Variants in PDE7B observed in about 807,000 individuals in gnomAD.
PDE7B encodes 3',5'-cyclic-AMP phosphodiesterase 7B.
Under a neutral mutation model 56.2 loss-of-function variants are expected in PDE7B, and 29 were observed. The ratio of observed to expected loss-of-function variants is 0.52; its 90% CI spans 0.38 to 0.70. The LOEUF is 0.70. Among genes scored for constraint, PDE7B ranks in the 30% least tolerant of loss-of-function variants. PDE7B has a pLI of 0.00. For missense variants in PDE7B, 490 were observed against 565.0 expected (o/e 0.87, Z 1.35); for synonymous variants, 197 against 196.9 (o/e 1.00, Z 0.00).
chr6:135,868,950 G>A (rs1428321167), intron 1 of PDE7B, among the ~76,000 whole-genome samples: 1 of 152,136 alleles, frequency 6.6e-6, no homozygotes, highest in Non-Finnish European at 1.5e-5. Context: ...TCCTACTGCT[G>A]AAGGCTGTGT....
chr6:136,004,678 A>G (rs903959062), intron 2 of PDE7B, among the ~76,000 whole-genome samples: 4 of 152,142 alleles, frequency 2.6e-5, no homozygotes, highest in Non-Finnish European at 5.9e-5. Context: ...GGAGAACTAC[A>G]AACCACTGCT....
chr6:135,994,123 T>C (rs1469625362), intron 2 of PDE7B, among the ~76,000 whole-genome samples: 3 of 46,944 alleles, frequency 6.4e-5, no homozygotes, highest in Non-Finnish European at 8.7e-5. Context: ...GATCTGTGTG[T>C]GTGTGTGTGT....
rs527431087 is a variant in PDE7B, at chr6:135,979,407, G to A, written c.82+31883G>A. ...CTGGCCTCATAAAATGAGTTAGGGA[G>A]GATTCCCTCTTTTTCTATTGATTGG... is the stretch of plus-strand genomic sequence containing the variant. On this transcript the variant is annotated intron_variant, in intron 2 of 12. Transcript: ENST00000308191. 3.9e-4 allele frequency among the ~76,000 whole-genome samples: 59 copies of A among 151,428 alleles called. 1 individual carries two copies. Among genetic ancestry groups the A allele is most frequent in the East Asian group, 3.9e-3 (20 of 5,184 alleles).
At chr6:135,870,920 T>C (rs891172672) in intron 1 of PDE7B, among the ~76,000 whole-genome samples, 29 of 152,098 alleles carry the variant, frequency 1.9e-4, no homozygotes, top group African/African-American at 6.5e-4. Flanking sequence ...TTCAAATGCA[T>C]CCACATCTGG....
At chr6:136,157,823 T>A (rs992378294) in intron 8 of PDE7B, among the ~76,000 whole-genome samples, 2 of 152,198 alleles carry the variant, frequency 1.3e-5, no homozygotes, top group Non-Finnish European at 2.9e-5. Context: ...TGAGCTGATG[T>A]ACTTTTGGGA....
intron 2 of PDE7B, among the ~76,000 whole-genome samples, chr6:135,973,281 T>C (rs1775125983): frequency 6.6e-6 from 1 of 152,094 alleles, no homozygotes; most frequent in Non-Finnish European, 1.5e-5. Flanking sequence ...TCCTCCAGGT[T>C]CTTCCATGTT....
At chr6:136,175,942 TTA>T (rs1389815395) in intron 9 of PDE7B, among the ~76,000 whole-genome samples, 3 of 152,240 alleles carry the variant, frequency 2.0e-5, no homozygotes, top group African/African-American at 7.2e-5. Flanking sequence ...GAGTTTATTT[TTA>T]TCTTTTTAAA....
At chr6:135,899,113 G>T (rs1775953277) in intron 1 of PDE7B, among the ~76,000 whole-genome samples, 1 of 152,064 alleles carries the variant, frequency 6.6e-6, no homozygotes, top group Admixed American at 6.6e-5. Context: ...TGTAAGATGT[G>T]ACTTTGCTCC....
intron 1 of PDE7B, 46 bp from the exon 2 acceptor site, chr6:135,947,418 C>T: frequency 7.1e-7 from 1 of 1,413,374 alleles, no homozygotes; most frequent in African/African-American, 1.4e-5. Flanking sequence ...TCTTGGGAAT[C>T]TTGATATGAA....
intron 2 of PDE7B, among the ~76,000 whole-genome samples, chr6:136,103,390 T>C (rs1777596146): frequency 6.6e-6 from 1 of 152,208 alleles, no homozygotes; most frequent in Non-Finnish European, 1.5e-5. Context: ...ACCTTCCTCC[T>C]CTCTTTTAGG....
In PDE7B at chr6:136,191,456, C is replaced by T. The variant is rs565770079; in HGVS notation, c.1127-158C>T. On this transcript the variant is annotated intron_variant, in intron 12 of 12. Coordinates refer to ENST00000308191, the MANE Select transcript of PDE7B (RefSeq NM_018945.4). ...CCGAGGCGGGCGGATCACTTGAGGTCGGGAGTTCAAGGCCAACCTGGCCAA... is the reference window on the plus strand; with the variant it reads ...CCGAGGCGGGCGGATCACTTGAGGTTGGGAGTTCAAGGCCAACCTGGCCAA... 3.0e-4 allele frequency: 195 copies of T among 644,210 alleles called. 3 individuals carry two copies. The South Asian group carries it at 3.1e-3, about 10-fold the overall frequency. The allele number at this position is 644,210 out of a possible 1,614,324, so 39.9% of individuals were successfully genotyped here.
chr6:135,994,116 CTGTGTGTGTGTGTGTGTGTGTGTGTG>C (rs3220309), intron 2 of PDE7B, among the ~76,000 whole-genome samples: 9 of 138,726 alleles, frequency 6.5e-5, no homozygotes, highest in Middle Eastern at 3.6e-3. Flanking sequence ...TGTATTGGAT[CTGTGTGTGTGTGTGTGTGTGTGTGTG>C]TGTGTGTGTG....
chr6:136,054,953 T>C (rs557651728), intron 2 of PDE7B, among the ~76,000 whole-genome samples: 4 of 152,178 alleles, frequency 2.6e-5, no homozygotes, highest in Non-Finnish European at 5.9e-5. Context: ...CCTGCCCCCA[T>C]GATTCAATTA....
chr6:136,132,610 G>A (rs531948732), intron 3 of PDE7B, among the ~76,000 whole-genome samples: 2 of 152,176 alleles, frequency 1.3e-5, no homozygotes, highest in East Asian at 3.9e-4. Context: ...AAATTACCTA[G>A]TAGGTGCTCA....
At chr6:136,017,900 A>G (rs1776004600) in intron 2 of PDE7B, among the ~76,000 whole-genome samples, 1 of 152,226 alleles carries the variant, frequency 6.6e-6, no homozygotes, top group African/African-American at 2.4e-5. Flanking sequence ...CTGGAAATAC[A>G]CAAACATACA....
intron 1 of PDE7B, among the ~76,000 whole-genome samples, chr6:135,915,088 A>AT (rs144530190): frequency 0.23 from 34,654 of 150,130 alleles, 5,129 homozygotes; most frequent in African/African-American, 0.43. Context: ...GCGAGACTCC[A>AT]TTAAAAAAAA....
intron 1 of PDE7B, among the ~76,000 whole-genome samples, chr6:135,932,009 A>G (rs1457934476): frequency 6.6e-6 from 1 of 152,106 alleles, no homozygotes; most frequent in Non-Finnish European, 1.5e-5. Context: ...TTCCAAAAGC[A>G]GAGCCGAATA....
chr6:136,178,618 C>T (rs1308140260), intron 9 of PDE7B, among the ~76,000 whole-genome samples: 1 of 152,126 alleles, frequency 6.6e-6, no homozygotes, highest in Non-Finnish European at 1.5e-5. Flanking sequence ...CCTTTTCTCT[C>T]TCCGTGCACA....
chr6:136,055,027 A>G (rs539466852), intron 2 of PDE7B, among the ~76,000 whole-genome samples: 4 of 152,316 alleles, frequency 2.6e-5, no homozygotes, highest in African/African-American at 4.8e-5. Context: ...GAGCCAAACC[A>G]TATCACTGTG....
Sources: allele counts gnomAD v4.1 joint callset (sites outside exome capture counted in the v4.1 genomes callset), GRCh38; gene constraint gnomAD v4.1.1; transcripts MANE v1.5; gene names NCBI Gene and HGNC (gene_info 2026-07-23, HGNC 2026-07-21).